CDH13: variants seen among roughly 807,000 people sequenced by gnomAD.
The protein encoded by CDH13 is cadherin 13.
In CDH13, 24 loss-of-function variants were observed where a neutral mutation model predicts 63.8. That is an observed-to-expected ratio of 0.38 (90% CI 0.27 to 0.53). The LOEUF is 0.53. Among genes scored for constraint, CDH13 ranks in the 20% least tolerant of loss-of-function variants. The pLI, the probability that CDH13 is intolerant of heterozygous loss-of-function variation, is 0.85. For missense variants in CDH13, 1,049 were observed against 903.1 expected (o/e 1.16, Z -2.07); for synonymous variants, 503 against 355.3 (o/e 1.42, Z -4.67).
intron 5 of CDH13, among the ~76,000 whole-genome samples, chr16:83,260,825 A>G (rs1209317629): frequency 6.6e-6 from 1 of 152,206 alleles, no homozygotes; most frequent in East Asian, 1.9e-4. Context: ...TTTAAAAGCC[A>G]CTTGGATGAA....
intron 2 of CDH13, among the ~76,000 whole-genome samples, chr16:82,920,250 C>T (rs2042112683): frequency 6.6e-6 from 1 of 152,196 alleles, no homozygotes; most frequent in Admixed American, 6.5e-5. Flanking sequence ...GTCACCCCTT[C>T]CCAAACCTCT....
intron 5 of CDH13, among the ~76,000 whole-genome samples, chr16:83,257,064 A>C (rs527628650): frequency 6.6e-6 from 1 of 152,170 alleles, no homozygotes; most frequent in East Asian, 1.9e-4. Context: ...ATAAGTAATG[A>C]CTGATTTTGA....
intron 5 of CDH13, among the ~76,000 whole-genome samples, chr16:83,321,646 A>G (rs1346688679): frequency 6.8e-6 from 1 of 148,062 alleles, no homozygotes; most frequent in African/African-American, 2.5e-5. Context: ...CTCCTGCCTC[A>G]GCCTCCTGAG....
chr16:83,208,803 T>C (rs560857395), intron 4 of CDH13, among the ~76,000 whole-genome samples: 5 of 152,256 alleles, frequency 3.3e-5, no homozygotes, highest in East Asian at 1.9e-4. Context: ...ATTTTCTACA[T>C]AGAGGAAAAC....
intron 6 of CDH13, among the ~76,000 whole-genome samples, chr16:83,461,174 G>C (rs546764099): frequency 1.3e-5 from 2 of 151,984 alleles, no homozygotes; most frequent in African/African-American, 4.8e-5. Context: ...ATTATACCTT[G>C]CTATATGTTG....
chr16:82,718,401 C>T (rs111473576), intron 1 of CDH13, among the ~76,000 whole-genome samples: 4 of 152,192 alleles, frequency 2.6e-5, no homozygotes, highest in South Asian at 4.2e-4. Context: ...TAGATTTCCC[C>T]GGGCAGGTGA....
At chr16:82,688,534 CAG>C (rs1405520751) in intron 1 of CDH13, among the ~76,000 whole-genome samples, 2 of 152,146 alleles carry the variant, frequency 1.3e-5, no homozygotes, top group Non-Finnish European at 2.9e-5. Context: ...AATGGAGACT[CAG>C]AAATATTTAT....
At chr16:83,327,559 G>A (rs2090391846) in intron 5 of CDH13, among the ~76,000 whole-genome samples, 1 of 152,198 alleles carries the variant, frequency 6.6e-6, no homozygotes, top group Admixed American at 6.5e-5. Flanking sequence ...AAACAAGACA[G>A]ACAAATTCCT....
chr16:83,725,803 C>G (rs1237074788), intron 10 of CDH13: 3 of 152,212 alleles, frequency 2.0e-5, no homozygotes, highest in Admixed American at 6.5e-5. Context: ...ATATTTCTTT[C>G]TGTGTTGTCA....
At chr16:82,800,080 A>T (rs2036777167) in intron 1 of CDH13, among the ~76,000 whole-genome samples, 1 of 152,240 alleles carries the variant, frequency 6.6e-6, no homozygotes, top group Non-Finnish European at 1.5e-5. Flanking sequence ...ATTAAAAGAC[A>T]GGAAGACCCT....
intron 5 of CDH13, among the ~76,000 whole-genome samples, chr16:83,317,604 C>T (rs567233889): frequency 6.6e-6 from 1 of 152,078 alleles, no homozygotes; most frequent in East Asian, 1.9e-4. Flanking sequence ...AGTTTGAGAC[C>T]AGCCTGACCA....
At chr16:83,784,811 G>A (rs769654246) in intron 13 of CDH13, among the ~76,000 whole-genome samples, 10 of 151,854 alleles carry the variant, frequency 6.6e-5, no homozygotes, top group Non-Finnish European at 1.3e-4. Flanking sequence ...CTCCTTCCTG[G>A]TCTTCCCACT....
intron 11 of CDH13, among the ~76,000 whole-genome samples, chr16:83,750,191 G>A (rs1325843316): frequency 6.6e-6 from 1 of 152,094 alleles, no homozygotes; most frequent in East Asian, 1.9e-4. Flanking sequence ...AGGTACTCAG[G>A]AGGCTGAGGC....
rs182965582 is a variant in CDH13, at chr16:83,320,856, C to T, written c.637-24006C>T. Among the ~76,000 whole-genome samples the T allele has an allele frequency of 5.1e-4, 77 of 152,176 alleles. 1 individual carries two copies. Among genetic ancestry groups the T allele is most frequent in the African/African-American group, 1.8e-3 (76 of 41,494 alleles). Reference sequence around the variant, plus strand: ...TTAGGCTACGAGAGTTGGAAGTTACCGAACAGATTTTAGGGATGGAAGAAT... The same window carrying T: ...TTAGGCTACGAGAGTTGGAAGTTACTGAACAGATTTTAGGGATGGAAGAAT... On this transcript the variant is annotated intron_variant, in intron 5 of 13. Transcript: ENST00000567109.
At chr16:83,238,186 C>T (rs544944185) in intron 5 of CDH13, among the ~76,000 whole-genome samples, 1 of 151,278 alleles carries the variant, frequency 6.6e-6, no homozygotes, top group South Asian at 2.1e-4. Context: ...CATTTTCATA[C>T]TGCTATGAAG....
At chr16:83,250,593 A>T (rs1386876937) in intron 5 of CDH13, among the ~76,000 whole-genome samples, 4 of 152,156 alleles carry the variant, frequency 2.6e-5, no homozygotes, top group South Asian at 2.1e-4. Context: ...TCGAGGGAAC[A>T]GTTTGGAGAC....
intron 2 of CDH13, among the ~76,000 whole-genome samples, chr16:83,014,922 A>C (rs963133173): frequency 6.8e-6 from 1 of 147,288 alleles, no homozygotes; most frequent in African/African-American, 2.5e-5. Flanking sequence ...ACTACTACAC[A>C]GTTGGTAATT....
At chr16:82,763,614 G>A (rs74757844) in intron 1 of CDH13, among the ~76,000 whole-genome samples, 1,529 of 152,302 alleles carry the variant, frequency 0.01, 30 homozygotes, top group African/African-American at 0.035. Flanking sequence ...CAACAACAGT[G>A]AATACATGAG....
intron 2 of CDH13, 39 bp downstream of exon 2, chr16:82,858,512 C>T (rs781041818): frequency 5.0e-6 from 6 of 1,198,624 alleles, no homozygotes; most frequent in Admixed American, 3.4e-5. Flanking sequence ...AGACTCTTCT[C>T]ATATTTGAAT....
Sources: allele counts gnomAD v4.1 joint callset (sites outside exome capture counted in the v4.1 genomes callset), GRCh38; gene constraint gnomAD v4.1.1; transcripts MANE v1.5; gene names NCBI Gene and HGNC (gene_info 2026-07-23, HGNC 2026-07-21).